RAPGEF5: variants seen among roughly 807,000 people sequenced by gnomAD.
RAPGEF5 encodes M-Ras-regulated GEF.
RAPGEF5 carries 65 observed loss-of-function variants against 125.2 expected under a neutral mutation model. The observed-to-expected ratio is 0.52, with a 90% confidence interval of 0.43 to 0.64. The LOEUF is 0.64. Ranked by LOEUF, RAPGEF5 falls within the 30% of genes least tolerant of loss-of-function variation. The pLI is 0.00. For missense variants in RAPGEF5, 958 were observed against 1,048.1 expected, an observed-to-expected ratio of 0.91 and a Z score of 1.19; for synonymous variants, 391 against 385.9, an observed-to-expected ratio of 1.01 and a Z score of -0.16.
At chr7:22,125,559 A>G (rs372368063) in intron 25 of RAPGEF5, 45 bp downstream of exon 25, 1 of 1,544,552 alleles carries the variant, frequency 6.5e-7, no homozygotes, top group African/African-American at 1.4e-5. Context: ...AGTTGGTACC[A>G]ACGTAGAGTC....
At chr7:22,158,534 GGC>G (rs999904503) in intron 14 of RAPGEF5, among the ~76,000 whole-genome samples, 6 of 151,764 alleles carry the variant, frequency 4.0e-5, no homozygotes, top group African/African-American at 1.5e-4. Context: ...TGTGTACTGG[GGC>G]TAGAGAAAAA....
chr7:22,127,040 CTTTTTT>C (rs11460551), intron 24 of RAPGEF5, among the ~76,000 whole-genome samples: 2 of 132,854 alleles, frequency 1.5e-5, no homozygotes, highest in Non-Finnish European at 3.1e-5. Flanking sequence ...CAAAAGTCTT[CTTTTTT>C]TTTTTTTTTT....
chr7:22,206,430 A>C (rs1785397704), intron 9 of RAPGEF5, among the ~76,000 whole-genome samples: 1 of 152,228 alleles, frequency 6.6e-6, no homozygotes, highest in South Asian at 2.1e-4. Flanking sequence ...GGCCAATCTC[A>C]GTGGCTAATG....
intron 17 of RAPGEF5, 69 bp from the exon 18 acceptor site, chr7:22,150,573 C>A (rs539871799): frequency 3.3e-6 from 5 of 1,492,634 alleles, no homozygotes; most frequent in African/African-American, 2.9e-5. Context: ...TAGGCCTACA[C>A]AGTACACTTA....
At chr7:22,218,496 CAT>C (rs1187843645) in intron 9 of RAPGEF5, among the ~76,000 whole-genome samples, 4 of 152,178 alleles carry the variant, frequency 2.6e-5, no homozygotes, top group African/African-American at 9.7e-5. Context: ...TAAACTATGA[CAT>C]GTTTTCATAT....
At chr7:22,191,804 A>T (rs1237238510) in intron 11 of RAPGEF5, among the ~76,000 whole-genome samples, 1 of 152,234 alleles carries the variant, frequency 6.6e-6, no homozygotes, top group Non-Finnish European at 1.5e-5. Context: ...CTCAAAAGTA[A>T]AGAGAACACA....
chr7:22,230,783 C>T, intron 8 of RAPGEF5, 63 bp downstream of exon 8: 1 of 1,414,412 alleles, frequency 7.1e-7, no homozygotes, highest in Admixed American at 2.0e-5. Flanking sequence ...TTAACACCTG[C>T]ACTGTCTCAC....
At chr7:22,267,979 T>C (rs1462215805) in intron 6 of RAPGEF5, among the ~76,000 whole-genome samples, 1 of 152,106 alleles carries the variant, frequency 6.6e-6, no homozygotes, top group Non-Finnish European at 1.5e-5. Context: ...TAACATAATC[T>C]ACATTCATTT....
Position 22,240,475 on chromosome 7 carries a change from C to T in RAPGEF5, c.797-9556G>A, listed in dbSNP as rs1176793462. On this transcript the variant is annotated intron_variant, in intron 7 of 25. Coordinates refer to ENST00000665637, the MANE Select transcript of RAPGEF5 (RefSeq NM_012294.5). ...TAACCTCCACCTCCCGGGTTCAAGC[C>T]ATTCTCCTGCCTCAGCCTCCCAAGT... Among the ~76,000 whole-genome samples the T allele has an allele frequency of 2.0e-5, 3 of 152,010 alleles. No homozygotes were observed. In the East Asian group the frequency reaches 5.8e-4, roughly 30 times the overall value.
At chr7:22,165,460 G>A (rs973313818) in intron 12 of RAPGEF5, among the ~76,000 whole-genome samples, 3 of 152,180 alleles carry the variant, frequency 2.0e-5, no homozygotes, top group Admixed American at 1.3e-4. Flanking sequence ...GAAGAAAGAT[G>A]TTCAAAATCT....
intron 1 of RAPGEF5, among the ~76,000 whole-genome samples, chr7:22,320,893 T>C (rs1783701911): frequency 6.6e-6 from 1 of 152,162 alleles, no homozygotes; most frequent in Admixed American, 6.5e-5. Flanking sequence ...TCCTTATCAA[T>C]TTTCTCTGCA....
At chr7:22,307,339 A>C (rs1271723931) in intron 5 of RAPGEF5, among the ~76,000 whole-genome samples, 1 of 152,006 alleles carries the variant, frequency 6.6e-6, no homozygotes, top group Non-Finnish European at 1.5e-5. Flanking sequence ...GGTGGAGGTG[A>C]GGTGGTATCA....
chr7:22,159,668 G>A (rs180775490), intron 14 of RAPGEF5, among the ~76,000 whole-genome samples: 183 of 152,328 alleles, frequency 1.2e-3, no homozygotes, highest in South Asian at 0.012. Context: ...ATCGCTAACA[G>A]TAAAGTTGGG....
intron 17 of RAPGEF5, among the ~76,000 whole-genome samples, chr7:22,153,161 C>T (rs1285748980): frequency 2.0e-5 from 3 of 152,186 alleles, no homozygotes; most frequent in Non-Finnish European, 4.4e-5. Flanking sequence ...CCTTCTCTGG[C>T]ACCTTCTGTC....
At chr7:22,138,404 C>G (rs1043571268) in intron 21 of RAPGEF5, among the ~76,000 whole-genome samples, 1 of 152,244 alleles carries the variant, frequency 6.6e-6, no homozygotes, top group Non-Finnish European at 1.5e-5. Flanking sequence ...TTTTTCCTCG[C>G]TGGCCCTTTA....
At chr7:22,123,538 C>T (rs1185314427) in intron 25 of RAPGEF5, among the ~76,000 whole-genome samples, 1 of 152,152 alleles carries the variant, frequency 6.6e-6, no homozygotes, top group African/African-American at 2.4e-5. Flanking sequence ...TTTCTTATAG[C>T]ATTTTTTTCT....
At position 22,193,928 on chromosome 7, in the gene RAPGEF5, C is replaced by G. The variant is rs537859532; in HGVS notation, c.1102G>C (p.Glu368Gln). Residue 368 changes from glutamate to glutamine, a missense_variant, in exon 10 of 26, where the codon GAG becomes CAG. By Grantham distance (29) the Glu-to-Gln change is conservative. Transcript: ENST00000665637. ...CGPAPTAGSAESHWRYVVVSG... is the reference protein window; with the variant it reads ...CGPAPTAGSAQSHWRYVVVSG... ...GGAAACTCTCACCTCCAATGGCTCT[C>G]CGCACTCCCAGCTGTGGGGGCTGGG... 2 of 1,613,792 alleles carry G rather than the reference C, an allele frequency of 1.2e-6. No individual in the cohort carries two copies. Among genetic ancestry groups the G allele is most frequent in the South Asian group, 2.2e-5 (2 of 91,012 alleles).
At chr7:22,271,230 T>C (rs11972373) in intron 6 of RAPGEF5, among the ~76,000 whole-genome samples, 1 of 151,486 alleles carries the variant, frequency 6.6e-6, no homozygotes, top group African/African-American at 2.4e-5. Context: ...AATCTCGGGA[T>C]TGAACCAGGC....
At chr7:22,317,606 T>C (rs994252287) in intron 2 of RAPGEF5, among the ~76,000 whole-genome samples, 2 of 152,110 alleles carry the variant, frequency 1.3e-5, no homozygotes, top group African/African-American at 4.8e-5. Flanking sequence ...AGGAAGTAAA[T>C]CTCCTTTTAC....
Sources: gnomAD v4.1 joint callset for allele counts (sites outside exome capture counted in the v4.1 genomes callset) on GRCh38, gnomAD v4.1.1 for gene constraint, MANE v1.5 for transcripts, NCBI Gene and HGNC (gene_info 2026-07-23, HGNC 2026-07-21) for gene names.